Variants in ERAL1 observed in about 807,000 individuals in gnomAD.
ERAL1 encodes Era like 12S mitochondrial rRNA chaperone 1.
A neutral mutation model predicts 53.6 loss-of-function variants in ERAL1; 36 were observed. That is an observed-to-expected ratio of 0.67 (90% confidence interval 0.51 to 0.89). The LOEUF (loss-of-function observed/expected upper bound fraction) is 0.89, where lower values mean the gene tolerates loss of function less well. Among genes scored for constraint, ERAL1 ranks in the 40% least tolerant of loss-of-function variants. The pLI is 0.00. For missense variants in ERAL1, 512 were observed against 537.5 expected, an observed-to-expected ratio of 0.95 and a Z score of 0.47; for synonymous variants, 215 against 211.8, an observed-to-expected ratio of 1.02 and a Z score of -0.13.
chr17:28,860,678 C>A lies in ERAL1; in HGVS notation c.*125C>A. 3 of 1,251,544 alleles carry A rather than the reference C, an allele frequency of 2.4e-6. No homozygotes were observed. The highest frequency in any genetic ancestry group is 2.1e-6 in the Non-Finnish European group (2 of 933,344). The allele number at this position is 1,251,544 out of a possible 1,614,324, so 77.5% of individuals were successfully genotyped here. A position where few individuals can be genotyped will look rare whatever the true frequency, so the allele number is the denominator to read the frequency against. On this transcript the variant is annotated 3_prime_UTR_variant, in exon 10 of 10. Transcript: ENST00000254928. Reference sequence around the variant, plus strand: ...GACATGAACACTGACTGGCCACTAGCTGGCCTGGCCCTGTTGAGTCTGCAC... The same window carrying A: ...GACATGAACACTGACTGGCCACTAGATGGCCTGGCCCTGTTGAGTCTGCAC...
intron 3 of ERAL1, among the ~76,000 whole-genome samples, chr17:28,857,728 G>A (rs533810523): frequency 6.6e-6 from 1 of 152,070 alleles, no homozygotes; most frequent in African/African-American, 2.4e-5. Context: ...GGAGGCAGAG[G>A]TTGCAGTGAG....
chr17:28,858,883 A>G, intron 7 of ERAL1, 59 bp downstream of exon 7: 1 of 1,612,090 alleles, frequency 6.2e-7, no homozygotes, highest in South Asian at 1.1e-5. Context: ...GACAGCCCTC[A>G]AATTTCCTCC....
At position 28,855,121 on chromosome 17, in the gene ERAL1, G is replaced by A. The variant is rs770674816; in HGVS notation, c.87G>A (p.Arg29=). 1.7e-5 allele frequency: 27 copies of A among 1,614,120 alleles called. 1 individual carries two copies. The South Asian group carries it at 2.9e-4, about 17-fold the overall frequency. The part of the protein sequence containing the change: ...WQVGPHVARE[R]VIPFSSLLGF... ...TGGGCCCTCATGTCGCGAGGGAGCG[G>A]GTGATCCCTTTTTCCTCACTCTTAG... The change falls in exon 1 of 10, where the codon CGG becomes CGA. Residue 29 remains arginine, a synonymous_variant. Transcript: ENST00000254928.
At position 28,860,671 on chromosome 17, in the gene ERAL1, C is replaced by A; in HGVS notation, c.*118C>A. ...GGTGAGAGACATGAACACTGACTGG[C>A]CACTAGCTGGCCTGGCCCTGTTGAG... On this transcript the variant is annotated 3_prime_UTR_variant, in exon 10 of 10. Transcript: ENST00000254928. The A allele has an allele frequency of 1.5e-6, 2 of 1,319,668 alleles. No homozygotes were observed. The highest frequency in any genetic ancestry group is 2.0e-6 in the Non-Finnish European group (2 of 992,642). 81.7% of individuals were successfully genotyped at this position (1,319,668 alleles called of 1,614,324 possible). A position where few individuals can be genotyped will look rare whatever the true frequency, so the allele number is the denominator to read the frequency against.
rs779723379 is a variant in ERAL1, at chr17:28,855,092, C to G, written c.58C>G (p.Gln20Glu). The stretch of plus-strand genomic sequence containing the variant: ...TGTTCAATCGGTGTTAAGAGTCTGG[C>G]AGGTGGGCCCTCATGTCGCGAGGGA... ...RLVQSVLRVW[Q>E]VGPHVARERV... is the part of the protein sequence containing the mutation. Residue 20 changes from glutamine to glutamate, a missense_variant, in exon 1 of 10, where the codon CAG (glutamine) becomes GAG (glutamate). Gln to Glu is a conservative substitution (Grantham distance 29). Coordinates refer to ENST00000254928, the MANE Select transcript of ERAL1 (RefSeq NM_005702.4). 21 of 1,613,996 alleles carry G rather than the reference C, an allele frequency of 1.3e-5. No homozygotes were observed. In the South Asian group the frequency reaches 2.3e-4, roughly 18 times the overall value.
In ERAL1 at chr17:28,858,168, T is replaced by C. The variant is rs753099898; in HGVS notation, c.559T>C (p.Leu187=). ...CAGGCATCACCTGGAGCTCTCTTTG[T>C]TGGAAGATCCATGGAAGAGCATGGA... ...QKRHHLELSL[L]EDPWKSMESA... Residue 187 remains leucine, a synonymous_variant, in exon 5 of 10, where the codon TTG becomes CTG. Transcript: ENST00000254928. 9.3e-6 allele frequency: 15 copies of C among 1,614,138 alleles called. No individual in the cohort carries two copies. The highest frequency in any genetic ancestry group is 5.0e-5 in the Admixed American group (3 of 60,020).
At chr17:28,858,077 T>C in intron 4 of ERAL1, 69 bp from the exon 5 acceptor site, 1 of 1,612,454 alleles carries the variant, frequency 6.2e-7, no homozygotes, top group Non-Finnish European at 8.5e-7. Flanking sequence ...CCCTTTACCA[T>C]ACCACATCCC....
intron 1 of ERAL1, 145 bp from the exon 2 acceptor site, chr17:28,856,119 C>T: frequency 2.4e-6 from 2 of 846,130 alleles, no homozygotes; most frequent in Non-Finnish European, 3.7e-6. Context: ...AAATTAAGGG[C>T]CAAAGTCTCA....
Position 28,859,273 on chromosome 17 carries a change from A to G in ERAL1, c.1181A>G (p.Glu394Gly). Residue 394 changes from glutamate to glycine, a missense_variant, in exon 9 of 10, where the codon GAA becomes GGA. Coordinates refer to ENST00000254928, the MANE Select transcript of ERAL1 (RefSeq NM_005702.4). ...VIQQKLLVPK[E>G]SYVKLLIGPK... ...CAACAGAAGCTTCTGGTGCCCAAAG[A>G]ATCTTATGTGGTAAGTGAGACTAGG... is the stretch of plus-strand genomic sequence containing the variant. The G allele has an allele frequency of 6.2e-7, 1 of 1,614,148 alleles. No individual in the cohort carries two copies. The highest frequency in any genetic ancestry group is 1.1e-5 in the South Asian group (1 of 91,076).
At position 28,855,240 on chromosome 17, in the gene ERAL1, C is replaced by A. The variant is rs1473329344; in HGVS notation, c.206C>A (p.Ala69Asp). 6.2e-7 allele frequency: 1 copy of A among 1,613,522 alleles called. No individual in the cohort carries two copies. Among genetic ancestry groups the A allele is most frequent in the Non-Finnish European group, 8.5e-7 (1 of 1,179,664 alleles). Reference protein sequence around the residue: ...SASRSNGQGSALDHFLGFSQP... With the variant: ...SASRSNGQGSDLDHFLGFSQP... ...TCTCGCAGTAATGGCCAGGGCTCTG[C>A]CCTGGACCACTTCCTCGGATTCTCT... Residue 69 changes from alanine (A) to aspartate (D), a missense_variant, in exon 1 of 10, where the codon GCC becomes GAC. Ala to Asp is a moderately radical substitution (Grantham distance 126, BLOSUM62 -2). Transcript: ENST00000254928.
chr17:28,858,177 C>A lies in ERAL1; in HGVS notation c.568C>A (p.Pro190Thr). The change falls in exon 5 of 10, where the codon CCA becomes ACA. Residue 190 changes from proline to threonine, a missense_variant. Physicochemically the swap from Pro to Thr is conservative, Grantham distance 38 (BLOSUM62 -1). Coordinates refer to ENST00000254928, the MANE Select transcript of ERAL1 (RefSeq NM_005702.4). Reference protein sequence around the residue: ...HHLELSLLEDPWKSMESADLV... With the variant: ...HHLELSLLEDTWKSMESADLV... ...CCTGGAGCTCTCTTTGTTGGAAGAT[C>A]CATGGAAGAGCATGGAATCTGCTGA... The A allele has an allele frequency of 2.5e-6, 4 of 1,614,072 alleles. No homozygotes were observed. Among genetic ancestry groups the A allele is most frequent in the Non-Finnish European group, 8.5e-7 (1 of 1,180,022 alleles).
chr17:28,855,355 T>C (rs1435938524), intron 1 of ERAL1, 38 bp downstream of exon 1: 1 of 1,522,034 alleles, frequency 6.6e-7, no homozygotes, highest in African/African-American at 1.4e-5. Context: ...AACTGTCATG[T>C]TTTTAGTATT....
At chr17:28,857,069 C>A (rs997374146) in intron 3 of ERAL1, among the ~76,000 whole-genome samples, 1 of 151,702 alleles carries the variant, frequency 6.6e-6, no homozygotes, top group Non-Finnish European at 1.5e-5. Flanking sequence ...ACCTTGCCCT[C>A]CCCTGACATC....
intron 3 of ERAL1, among the ~76,000 whole-genome samples, chr17:28,857,233 G>A (rs953340397): frequency 2.0e-5 from 3 of 150,676 alleles, no homozygotes; most frequent in South Asian, 2.1e-4. Flanking sequence ...TCAGCCTCCC[G>A]AGTAGCTGGG....
intron 3 of ERAL1, 47 bp downstream of exon 3, chr17:28,856,629 C>T: frequency 6.5e-7 from 1 of 1,531,876 alleles, no homozygotes; most frequent in Non-Finnish European, 9.0e-7. Flanking sequence ...GAGGGTGAAG[C>T]TAAGAGGGTC....
Position 28,860,594 on chromosome 17 carries a change from T to C in ERAL1, c.*41T>C. On this transcript the variant is annotated 3_prime_UTR_variant, in exon 10 of 10. Coordinates refer to ENST00000254928, the MANE Select transcript of ERAL1 (RefSeq NM_005702.4). ...CCTCCCAGGGCATTCCAGCTCAAGC[T>C]GCTGGCAGGAACTGACCAGTTCTGT... is the stretch of plus-strand genomic sequence containing the variant. The C allele has an allele frequency of 6.4e-7, 1 of 1,556,926 alleles. No homozygotes were observed.
rs545105721 is a variant in ERAL1, at chr17:28,857,818, G to A, written c.490-121G>A. 2.9e-5 allele frequency: 33 copies of A among 1,146,152 alleles called. No individual in the cohort carries two copies. In the South Asian group the frequency reaches 3.9e-4, roughly 14 times the overall value. 71.0% of individuals were successfully genotyped at this position (1,146,152 alleles called of 1,614,324 possible). A position where few individuals can be genotyped will look rare whatever the true frequency, so the allele number is the denominator to read the frequency against. ...GAAAAAAACAAAAAACAAACCTAAA[G>A]TCAATAATAGTTTGACTGAGAAGGG... On this transcript the variant is annotated intron_variant, in intron 3 of 9. Transcript: ENST00000254928.
intron 5 of ERAL1, 70 bp downstream of exon 5, chr17:28,858,277 G>C: frequency 2.5e-6 from 4 of 1,608,996 alleles, no homozygotes; most frequent in Non-Finnish European, 3.4e-6. Flanking sequence ...TGGTAGTTTG[G>C]GGGGCAAAAG....
chr17:28,859,163 C>A (rs776477582), intron 8 of ERAL1, 40 bp from the exon 9 acceptor site: 1 of 1,613,602 alleles, frequency 6.2e-7, no homozygotes, highest in South Asian at 1.1e-5. Context: ...ACACCTCTAC[C>A]CAGGTGTATG....
Sources: gnomAD v4.1 joint callset for allele counts (sites outside exome capture counted in the v4.1 genomes callset) on GRCh38, gnomAD v4.1.1 for gene constraint, MANE v1.5 for transcripts, NCBI Gene and HGNC (gene_info 2026-07-23, HGNC 2026-07-21) for gene names.